The following CSMD3 variants were observed in gnomAD, a reference collection of about 807,000 sequenced individuals.
CSMD3 encodes the protein CUB and sushi domain-containing protein 3.
In CSMD3, 177 loss-of-function variants were observed where a neutral mutation model predicts 435.2. The observed-to-expected ratio is 0.41, with a 90% CI of 0.36 to 0.46. The LOEUF (loss-of-function observed/expected upper bound fraction) is 0.46, where lower values mean the gene tolerates loss of function less well. Among genes scored for constraint, CSMD3 ranks in the 20% least tolerant of loss-of-function variants. The pLI is 0.34. For synonymous variants in CSMD3, 1,656 were observed against 1,520.5 expected (o/e 1.09, Z -2.07); for missense variants, 4,265 against 4,504.6 (o/e 0.95, Z 1.52).
At chr8:112,877,562 C>T (rs1433335431) in intron 10 of CSMD3, among the ~76,000 whole-genome samples, 1 of 151,944 alleles carries the variant, frequency 6.6e-6, no homozygotes, top group Non-Finnish European at 1.5e-5. Context: ...GCCACCATGT[C>T]TGACCTTAAA....
chr8:112,668,289 C>T (rs2075573716), intron 16 of CSMD3, among the ~76,000 whole-genome samples: 2 of 151,866 alleles, frequency 1.3e-5, no homozygotes, highest in African/African-American at 2.4e-5. Context: ...ACTTAAATTA[C>T]CATATTTTAC....
At chr8:113,117,210 G>A (rs911033571) in intron 4 of CSMD3, among the ~76,000 whole-genome samples, 21 of 152,156 alleles carry the variant, frequency 1.4e-4, no homozygotes, top group Non-Finnish European at 2.6e-4. Context: ...TGGTTTTGTG[G>A]GCTGGGCCCC....
chr8:113,131,630 G>C (rs2091286062), intron 4 of CSMD3, among the ~76,000 whole-genome samples: 1 of 152,138 alleles, frequency 6.6e-6, no homozygotes, highest in South Asian at 2.1e-4. Flanking sequence ...ACCTCCGCTA[G>C]GAAAGTGCAG....
At chr8:112,974,655 A>T (rs1396549611) in intron 7 of CSMD3, among the ~76,000 whole-genome samples, 1 of 151,884 alleles carries the variant, frequency 6.6e-6, no homozygotes, top group Non-Finnish European at 1.5e-5. Context: ...AATCTTTTTG[A>T]GAAGACTATT....
intron 4 of CSMD3, among the ~76,000 whole-genome samples, chr8:113,114,624 T>A (rs75709062): frequency 4.6e-5 from 7 of 152,164 alleles, no homozygotes; most frequent in Admixed American, 1.3e-4. Context: ...TTTATTCTTA[T>A]CATGCATTAG....
chr8:113,103,262 T>C (rs1169806827), intron 4 of CSMD3, among the ~76,000 whole-genome samples: 4 of 152,176 alleles, frequency 2.6e-5, no homozygotes, highest in Admixed American at 6.6e-5. Flanking sequence ...CGAATGTGGT[T>C]GCTTAACATA....
Position 112,536,590 on chromosome 8 carries a change from C to T in CSMD3, c.4564+14081G>A, listed in dbSNP as rs534819615. 1.6e-3 allele frequency among the ~76,000 whole-genome samples: 238 copies of T among 152,222 alleles called. 1 individual carries two copies. Among genetic ancestry groups the T allele is most frequent in the Non-Finnish European group, 2.4e-3 (161 of 68,020 alleles). On this transcript the variant is annotated intron_variant, in intron 27 of 70. Transcript: ENST00000297405. ...TTGGTGGGACTGTAAACTAGTTCAA[C>T]CATTGTGGAAGTCAGTGTAGCAATT...
intron 1 of CSMD3, among the ~76,000 whole-genome samples, chr8:113,347,034 A>G (rs890810300): frequency 6.6e-6 from 1 of 152,062 alleles, no homozygotes; most frequent in Non-Finnish European, 1.5e-5. Context: ...CTCACAGTTT[A>G]CAAAATCCAG....
chr8:112,719,717 A>C (rs557174533), intron 13 of CSMD3, among the ~76,000 whole-genome samples: 16 of 152,200 alleles, frequency 1.1e-4, no homozygotes, highest in Non-Finnish European at 1.8e-4. Context: ...TAGGTGGAAG[A>C]CTGAAAGAGT....
At chr8:112,308,626 A>G (rs1341557991) in intron 50 of CSMD3, among the ~76,000 whole-genome samples, 1 of 152,078 alleles carries the variant, frequency 6.6e-6, no homozygotes, top group Non-Finnish European at 1.5e-5. Flanking sequence ...GTGAGACGGA[A>G]TACAAAGTGA....
At chr8:113,170,710 A>C (rs78536592) in intron 4 of CSMD3, among the ~76,000 whole-genome samples, 2 of 152,158 alleles carry the variant, frequency 1.3e-5, no homozygotes, top group Non-Finnish European at 2.9e-5. Context: ...TGTCTTAATC[A>C]ATCTTTTGAT....
At chr8:112,884,641 T>G (rs2081540282) in intron 10 of CSMD3, among the ~76,000 whole-genome samples, 1 of 151,570 alleles carries the variant, frequency 6.6e-6, no homozygotes, top group Non-Finnish European at 1.5e-5. Flanking sequence ...ATCCAGCCCC[T>G]TTCCCATTAA....
intron 3 of CSMD3, among the ~76,000 whole-genome samples, chr8:113,234,877 T>A (rs1470333855): frequency 1.3e-5 from 2 of 151,982 alleles, no homozygotes; most frequent in African/African-American, 4.8e-5. Flanking sequence ...GGTTTCTGGG[T>A]TTTCTGGGTC....
rs1215451792 is a variant in CSMD3 at position 113,374,818 on chromosome 8, T to TAAAAAAAAAAAA, written c.179-60037_179-60026dup. On this transcript the variant is annotated intron_variant, in intron 1 of 70. Transcript: ENST00000297405. ...CCATATGCACCTTGTTGTTAAAAAG[T>TAAAAAAAAAAAA]AAAAAAAAAAAAAAAAAAAAAAAAA... is the stretch of plus-strand genomic sequence containing the variant. Among the ~76,000 whole-genome samples, 36 of 28,068 alleles carry TAAAAAAAAAAAA rather than the reference T, an allele frequency of 1.3e-3. 1 individual carries two copies. The highest frequency in any genetic ancestry group is 1.5e-3 in the African/African-American group (13 of 8,424). 18.4% of individuals were successfully genotyped at this position (28,068 alleles called of 152,430 possible).
intron 10 of CSMD3, among the ~76,000 whole-genome samples, chr8:112,904,910 G>T (rs1006017769): frequency 4.0e-5 from 6 of 151,510 alleles, no homozygotes; most frequent in African/African-American, 1.4e-4. Flanking sequence ...GATGTAATTT[G>T]TTCTGCAAGT....
chr8:113,432,355 TC>T (rs1371242368), intron 1 of CSMD3, among the ~76,000 whole-genome samples: 4 of 152,198 alleles, frequency 2.6e-5, no homozygotes, highest in Non-Finnish European at 5.9e-5. Flanking sequence ...AGAACCAGCC[TC>T]ATGCCTGAGC....
intron 52 of CSMD3, 25 bp downstream of exon 52, chr8:112,304,696 T>C: frequency 6.4e-7 from 1 of 1,551,912 alleles, no homozygotes; most frequent in African/African-American, 1.4e-5. Context: ...GCTTATGAAA[T>C]AAGTTTAGCA....
In CSMD3 at chr8:113,068,963, G is replaced by T. The variant is rs559019869; in HGVS notation, c.917+29793C>A. 3.3e-5 allele frequency among the ~76,000 whole-genome samples: 5 copies of T among 151,834 alleles called. No individual in the cohort carries two copies. In the South Asian group the frequency reaches 1.0e-3, roughly 32 times the overall value. The stretch of plus-strand genomic sequence containing the variant: ...GATGTGAGTCTCACTATTTAATTCT[G>T]TATAAGGATAAACAGGTAAGGAAAC... On this transcript the variant is annotated intron_variant, in intron 5 of 70. Coordinates refer to ENST00000297405, the MANE Select transcript of CSMD3 (RefSeq NM_198123.2).
At chr8:112,517,348 A>C in intron 27 of CSMD3, 123 bp from the exon 28 acceptor site, 2 of 651,672 alleles carry the variant, frequency 3.1e-6, no homozygotes, top group South Asian at 3.8e-5. Context: ...CTATACAATA[A>C]ACACTTTCTC....
Sources: allele counts gnomAD v4.1 joint callset (sites outside exome capture counted in the v4.1 genomes callset), GRCh38; gene constraint gnomAD v4.1.1; transcripts MANE v1.5; gene names NCBI Gene and HGNC (gene_info 2026-07-23, HGNC 2026-07-21).